Variants in TANC2 observed in about 807,000 individuals in gnomAD.
TANC2 encodes protein TANC2.
TANC2 carries 26 observed loss-of-function variants against 210.5 expected under a neutral mutation model. The observed-to-expected ratio is 0.12, with a 90% CI of 0.09 to 0.17. TANC2 has a LOEUF of 0.17. TANC2 is among the 10% of genes least tolerant of loss of function. The pLI, the probability that TANC2 is intolerant of heterozygous loss-of-function variation, is 1.00. For missense variants in TANC2, 2,129 were observed against 2,608.9 expected (o/e 0.82, Z 4.01); for synonymous variants, 931 against 967.1 (o/e 0.96, Z 0.69).
At chr17:63,369,514 G>C (rs917978828) in intron 14 of TANC2, among the ~76,000 whole-genome samples, 1 of 150,744 alleles carries the variant, frequency 6.6e-6, no homozygotes, top group South Asian at 2.1e-4. Context: ...CTCATGGAGT[G>C]TGCTTTGACA....
chr17:63,240,048 G>C (rs2042732048), intron 8 of TANC2, among the ~76,000 whole-genome samples: 1 of 152,270 alleles, frequency 6.6e-6, no homozygotes, highest in South Asian at 2.1e-4. Flanking sequence ...TTACAATTCA[G>C]CATGAGATTT....
At chr17:63,072,604 T>C (rs2036436018) in intron 2 of TANC2, among the ~76,000 whole-genome samples, 1 of 152,100 alleles carries the variant, frequency 6.6e-6, no homozygotes, top group South Asian at 2.1e-4. Context: ...TCACTTTGAG[T>C]ATCTTTCTAT....
intron 1 of TANC2, among the ~76,000 whole-genome samples, chr17:63,003,372 C>T (rs1302704255): frequency 2.0e-5 from 3 of 152,166 alleles, no homozygotes; most frequent in Non-Finnish European, 4.4e-5. Flanking sequence ...CATTCCAAGA[C>T]ACACCCCACA....
chr17:62,975,508 C>T (rs79502912), intron 1 of TANC2, among the ~76,000 whole-genome samples: 4,402 of 151,408 alleles, frequency 0.029, 79 homozygotes, highest in South Asian at 0.037. Flanking sequence ...CATATTCTGC[C>T]TCAGGATCAG....
chr17:63,389,700 AG>A, intron 17 of TANC2, 156 bp downstream of exon 17: 1 of 731,840 alleles, frequency 1.4e-6, no homozygotes, highest in Non-Finnish European at 2.3e-6. Flanking sequence ...GCATATGTGC[AG>A]GGCCACTGCC....
chr17:63,346,076 A>G (rs2046399352), intron 12 of TANC2, among the ~76,000 whole-genome samples: 1 of 152,194 alleles, frequency 6.6e-6, no homozygotes, highest in Non-Finnish European at 1.5e-5. Context: ...TGTTTGGGGA[A>G]GGGGAAATAA....
intron 9 of TANC2, among the ~76,000 whole-genome samples, chr17:63,311,482 A>G (rs2045122795): frequency 6.6e-6 from 1 of 152,198 alleles, no homozygotes; most frequent in South Asian, 2.1e-4. Flanking sequence ...GCTAATGGAA[A>G]CACAGTTACT....
intron 9 of TANC2, among the ~76,000 whole-genome samples, chr17:63,276,622 T>C (rs2146323237): frequency 1.3e-5 from 2 of 152,218 alleles, no homozygotes; most frequent in Middle Eastern, 3.4e-3. Flanking sequence ...AGCTGAAATT[T>C]AATATGGAAG....
Position 63,086,966 on chromosome 17 carries a change from C to G in TANC2, c.140-12209C>G, listed in dbSNP as rs140364897. Among the ~76,000 whole-genome samples, 41 of 152,304 alleles carry G rather than the reference C, an allele frequency of 2.7e-4. No homozygotes were observed. In the East Asian group the frequency reaches 7.9e-3, roughly 29 times the overall value. ...GCGGGGACAAATAAGGAAATAAAAG[C>G]TGGCCACCCCAGCCTGCAGCGGCAA... On this transcript the variant is annotated intron_variant, in intron 3 of 27. Transcript: ENST00000689528.
intron 15 of TANC2, among the ~76,000 whole-genome samples, chr17:63,383,751 G>A (rs1011983886): frequency 6.6e-6 from 1 of 152,100 alleles, no homozygotes; most frequent in Non-Finnish European, 1.5e-5. Flanking sequence ...AGATTGTATG[G>A]TAAGACTATG....
At chr17:63,392,523 A>G (rs964270877) in intron 17 of TANC2, among the ~76,000 whole-genome samples, 4 of 152,154 alleles carry the variant, frequency 2.6e-5, no homozygotes, top group African/African-American at 4.8e-5. Context: ...CTTGGTCTCT[A>G]CCCCAACTGC....
intron 2 of TANC2, among the ~76,000 whole-genome samples, chr17:63,040,631 C>T (rs2035149865): frequency 1.3e-5 from 2 of 152,068 alleles, no homozygotes; most frequent in African/African-American, 4.8e-5. Flanking sequence ...ATACTAGATT[C>T]ACAGGTTGCA....
intron 4 of TANC2, among the ~76,000 whole-genome samples, chr17:63,126,932 T>G (rs2038733462): frequency 6.6e-6 from 1 of 152,206 alleles, no homozygotes; most frequent in Admixed American, 6.5e-5. Flanking sequence ...GATTTTGACC[T>G]GTTTTTAAAG....
chr17:63,228,123 A>G (rs1167178417), intron 7 of TANC2, among the ~76,000 whole-genome samples: 2 of 152,096 alleles, frequency 1.3e-5, no homozygotes, highest in Non-Finnish European at 2.9e-5. Flanking sequence ...TCAGCCTCCC[A>G]AAGTGCTAGG....
At chr17:63,173,227 A>G (rs989841621) in intron 5 of TANC2, among the ~76,000 whole-genome samples, 4 of 152,214 alleles carry the variant, frequency 2.6e-5, no homozygotes, top group African/African-American at 9.6e-5. Flanking sequence ...AGTTTATCTT[A>G]ACACTATCCT....
At chr17:63,424,038 C>T (rs955942141) in exon 28 of TANC2, 1 of 152,238 alleles carries the variant, frequency 6.6e-6, no homozygotes, top group African/African-American at 2.4e-5. Flanking sequence ...GGCATCTTTA[C>T]ATCTTACTCC....
intron 1 of TANC2, among the ~76,000 whole-genome samples, chr17:62,993,820 T>G (rs1417093770): frequency 6.6e-6 from 1 of 152,096 alleles, no homozygotes; most frequent in Non-Finnish European, 1.5e-5. Flanking sequence ...TCCCAGCTGC[T>G]GTGGAAGCTG....
intron 14 of TANC2, among the ~76,000 whole-genome samples, chr17:63,374,302 T>G (rs1459691590): frequency 6.6e-6 from 1 of 152,132 alleles, no homozygotes; most frequent in Non-Finnish European, 1.5e-5. Flanking sequence ...CCTCCCAAAG[T>G]GCTGGGATTA....
chr17:62,988,994 G>C (rs888161095), intron 1 of TANC2, among the ~76,000 whole-genome samples: 6 of 152,220 alleles, frequency 3.9e-5, no homozygotes, highest in African/African-American at 1.4e-4. Flanking sequence ...TTATGCAAAA[G>C]CATATAGTAA....
Sources: allele counts gnomAD v4.1 joint callset (sites outside exome capture counted in the v4.1 genomes callset), GRCh38; gene constraint gnomAD v4.1.1; transcripts MANE v1.5; gene names NCBI Gene and HGNC (gene_info 2026-07-23, HGNC 2026-07-21).